Variants in MAGI2 observed in about 807,000 individuals in gnomAD.
MAGI2 encodes the protein membrane-associated guanylate kinase, WW and PDZ domain-containing protein 2.
In MAGI2, 35 loss-of-function variants were observed where a neutral mutation model predicts 133.3. The observed-to-expected ratio is 0.26, with a 90% CI of 0.20 to 0.35. MAGI2 has a LOEUF of 0.35. Among genes scored for constraint, MAGI2 ranks in the 10% least tolerant of loss-of-function variants. MAGI2 has a pLI of 1.00. For missense variants in MAGI2, 1,636 were observed against 1,863.4 expected (o/e 0.88, Z 2.25); for synonymous variants, 729 against 710.6 (o/e 1.03, Z -0.41).
At chr7:78,984,835 T>G (rs182251656) in intron 2 of MAGI2, among the ~76,000 whole-genome samples, 2 of 152,058 alleles carry the variant, frequency 1.3e-5, no homozygotes, top group Non-Finnish European at 2.9e-5. Context: ...AACATAAGTT[T>G]CACGAGGATA....
chr7:78,233,826 G>T (rs769284012), intron 10 of MAGI2, among the ~76,000 whole-genome samples: 10 of 152,072 alleles, frequency 6.6e-5, no homozygotes, highest in Non-Finnish European at 1.0e-4. Flanking sequence ...TTGATTATGG[G>T]ACCTATAAAT....
At chr7:78,550,156 C>G (rs951577347) in intron 3 of MAGI2, among the ~76,000 whole-genome samples, 2 of 152,190 alleles carry the variant, frequency 1.3e-5, no homozygotes, top group Admixed American at 1.3e-4. Flanking sequence ...GCCTCCAGAA[C>G]TTTCAGAAGC....
chr7:78,127,084 A>T, intron 19 of MAGI2, 113 bp downstream of exon 19: 1 of 783,152 alleles, frequency 1.3e-6, no homozygotes, highest in Non-Finnish European at 2.0e-6. Flanking sequence ...TAGGAATAGA[A>T]CTTCAGCTCT....
At chr7:78,078,690 T>C in intron 21 of MAGI2, 1 of 581,666 alleles carries the variant, frequency 1.7e-6, no homozygotes, top group East Asian at 3.0e-5. Flanking sequence ...CCCTGAAAGG[T>C]CCTACATTTC....
chr7:78,308,967 T>C (rs1425049512), intron 9 of MAGI2, among the ~76,000 whole-genome samples: 1 of 152,118 alleles, frequency 6.6e-6, no homozygotes, highest in East Asian at 1.9e-4. Context: ...TTTAAAATGA[T>C]TATTCAAAAT....
chr7:79,101,673 G>A (rs1817984687), intron 1 of MAGI2, among the ~76,000 whole-genome samples: 1 of 140,634 alleles, frequency 7.1e-6, no homozygotes, highest in South Asian at 2.2e-4. Context: ...GTAGTGAGCC[G>A]AGATCGCGCC....
chr7:78,490,050 G>T, intron 5 of MAGI2: 1 of 473,170 alleles, frequency 2.1e-6, no homozygotes, highest in Non-Finnish European at 3.7e-6. Context: ...CCTCAAAGCA[G>T]CTATTTTTAT....
At chr7:79,095,535 A>G (rs947780937) in intron 1 of MAGI2, among the ~76,000 whole-genome samples, 1 of 152,124 alleles carries the variant, frequency 6.6e-6, no homozygotes, top group Non-Finnish European at 1.5e-5. Context: ...TCTTCCTTTC[A>G]CTTGAAAATT....
At chr7:79,339,504 A>G (rs926739220) in intron 1 of MAGI2, among the ~76,000 whole-genome samples, 6 of 144,602 alleles carry the variant, frequency 4.1e-5, no homozygotes, top group Non-Finnish European at 9.0e-5. Context: ...TTTGTCCTGC[A>G]TTACTCTCCC....
At chr7:79,282,673 G>A (rs1207620025) in intron 1 of MAGI2, among the ~76,000 whole-genome samples, 1 of 152,006 alleles carries the variant, frequency 6.6e-6, no homozygotes, top group East Asian at 1.9e-4. Context: ...AGTCTCTCAG[G>A]CATGAAAGAA....
intron 2 of MAGI2, among the ~76,000 whole-genome samples, chr7:78,696,773 C>T (rs140901210): frequency 1.3e-5 from 2 of 152,222 alleles, no homozygotes; most frequent in African/African-American, 2.4e-5. Flanking sequence ...GGCAAACCAC[C>T]ATTCAGGATG....
intron 1 of MAGI2, among the ~76,000 whole-genome samples, chr7:79,169,371 A>T (rs1270072793): frequency 6.6e-6 from 1 of 152,180 alleles, no homozygotes; most frequent in Non-Finnish European, 1.5e-5. Flanking sequence ...CTCCAAAATT[A>T]CCAACCATAT....
intron 1 of MAGI2, among the ~76,000 whole-genome samples, chr7:79,449,299 A>G (rs1184604681): frequency 6.6e-6 from 1 of 151,954 alleles, no homozygotes; most frequent in East Asian, 1.9e-4. Context: ...ATCTTCTCTA[A>G]AACTGAATTT....
At chr7:78,588,316 G>A (rs1496778) in intron 3 of MAGI2, among the ~76,000 whole-genome samples, 7,404 of 152,188 alleles carry the variant, frequency 0.049, 246 homozygotes, top group African/African-American at 0.093. Context: ...GCATGAATTG[G>A]TGTGTATGTG....
intron 3 of MAGI2, among the ~76,000 whole-genome samples, chr7:78,574,524 C>T (rs771617931): frequency 1.3e-5 from 2 of 152,218 alleles, no homozygotes; most frequent in Non-Finnish European, 1.5e-5. Context: ...ATTTTAGATA[C>T]AATTGCCACT....
At chr7:78,122,263 T>G (rs1416137923) in intron 20 of MAGI2, among the ~76,000 whole-genome samples, 1 of 152,214 alleles carries the variant, frequency 6.6e-6, no homozygotes, top group Non-Finnish European at 1.5e-5. Context: ...GAAATATTCT[T>G]GTAAATCGTT....
intron 2 of MAGI2, among the ~76,000 whole-genome samples, chr7:78,714,151 GGTC>G (rs1355130707): frequency 6.6e-6 from 1 of 151,890 alleles, no homozygotes; most frequent in South Asian, 2.1e-4. Flanking sequence ...ATGAAGACAT[GGTC>G]TTCTAGACAC....
chr7:78,880,728 T>A (rs982479250), intron 2 of MAGI2, among the ~76,000 whole-genome samples: 1 of 152,180 alleles, frequency 6.6e-6, no homozygotes, highest in Non-Finnish European at 1.5e-5. Flanking sequence ...ATATCATTAT[T>A]AACCTTATAT....
intron 6 of MAGI2, among the ~76,000 whole-genome samples, chr7:78,441,837 T>G (rs1240808945): frequency 7.2e-5 from 11 of 152,158 alleles, no homozygotes; most frequent in African/African-American, 2.7e-4. Context: ...ATATACCTGT[T>G]GCAGACTGTC....
Sources: allele counts gnomAD v4.1 joint callset (sites outside exome capture counted in the v4.1 genomes callset), GRCh38; gene constraint gnomAD v4.1.1; transcripts MANE v1.5; gene names NCBI Gene and HGNC (gene_info 2026-07-23, HGNC 2026-07-21).